Variants in SUPT3H observed in about 807,000 individuals in gnomAD.
The protein encoded by SUPT3H is transcription initiation protein SPT3 homolog.
Under a neutral mutation model 44.3 loss-of-function variants are expected in SUPT3H, and 44 were observed. The ratio of observed to expected loss-of-function variants is 0.99; its 90% CI spans 0.78 to 1.28. The LOEUF is 1.28. Among genes scored for constraint, SUPT3H ranks in the 50% most tolerant of loss-of-function variants. The pLI, the probability that SUPT3H is intolerant of heterozygous loss-of-function variation, is 0.00. For synonymous variants in SUPT3H, 124 were observed against 125.6 expected (o/e 0.99, Z 0.09); for missense variants, 380 against 387.1 (o/e 0.98, Z 0.15).
chr6:44,876,653 TTTAAAAAAAAAA>T (rs1293014246), intron 10 of SUPT3H, among the ~76,000 whole-genome samples: 8 of 147,802 alleles, frequency 5.4e-5, no homozygotes, highest in Admixed American at 1.3e-4. Flanking sequence ...TAAAGTATAA[TTTAAAAAAAAAA>T]TTAAAAAAAA....
intron 3 of SUPT3H, among the ~76,000 whole-genome samples, chr6:45,065,524 G>T (rs1163465563): frequency 1.3e-5 from 2 of 151,472 alleles, no homozygotes; most frequent in African/African-American, 2.4e-5. Flanking sequence ...TCCAGGAGCT[G>T]GTTTTTTGAA....
At chr6:45,351,488 T>G (rs1315837434) in intron 2 of SUPT3H, among the ~76,000 whole-genome samples, 1 of 152,082 alleles carries the variant, frequency 6.6e-6, no homozygotes, top group African/African-American at 2.4e-5. Context: ...GTATTATAAG[T>G]TACCACAGCA....
intron 10 of SUPT3H, among the ~76,000 whole-genome samples, chr6:44,878,003 G>A (rs1582153792): frequency 6.6e-6 from 1 of 152,110 alleles, no homozygotes; most frequent in South Asian, 2.1e-4. Flanking sequence ...ATGATATGCC[G>A]TTTCTTCATT....
At chr6:45,092,121 G>A (rs571522999) in intron 3 of SUPT3H, among the ~76,000 whole-genome samples, 9 of 151,416 alleles carry the variant, frequency 5.9e-5, no homozygotes, top group Admixed American at 2.6e-4. Context: ...GCTCTACACC[G>A]TCACAACTTC....
chr6:45,368,574 T>C (rs983303425), intron 1 of SUPT3H, among the ~76,000 whole-genome samples: 1 of 152,124 alleles, frequency 6.6e-6, no homozygotes, highest in African/African-American at 2.4e-5. Context: ...CCATGAAACA[T>C]CTTTAAGCTT....
chr6:45,272,533 T>C (rs1776356822), intron 2 of SUPT3H, among the ~76,000 whole-genome samples: 2 of 152,188 alleles, frequency 1.3e-5, no homozygotes, highest in African/African-American at 4.8e-5. Flanking sequence ...CAGTCTCGGA[T>C]ATATCTTTAT....
intron 5 of SUPT3H, among the ~76,000 whole-genome samples, chr6:45,012,495 A>AT (rs1783638436): frequency 6.6e-6 from 1 of 151,870 alleles, no homozygotes; most frequent in Admixed American, 6.6e-5. Flanking sequence ...CGTAATTTCT[A>AT]TTTTTTAAAA....
intron 10 of SUPT3H, among the ~76,000 whole-genome samples, chr6:44,840,479 A>C (rs1374137959): frequency 6.6e-6 from 1 of 152,234 alleles, no homozygotes; most frequent in Non-Finnish European, 1.5e-5. Context: ...AGAAAAAAGC[A>C]AAAGAAATAT....
chr6:45,250,955 C>G (rs910919140), intron 2 of SUPT3H: 5 of 151,940 alleles, frequency 3.3e-5, no homozygotes, highest in African/African-American at 7.3e-5. Flanking sequence ...CACATGAGTA[C>G]TACCACACCA....
At chr6:45,234,717 C>A (rs1385751099) in intron 2 of SUPT3H, among the ~76,000 whole-genome samples, 1 of 152,098 alleles carries the variant, frequency 6.6e-6, no homozygotes, top group Non-Finnish European at 1.5e-5. Context: ...AATTATTCCA[C>A]TTAAAAACTT....
rs993583809 is a variant in SUPT3H at position 45,150,729 on chromosome 6, T to G, written c.102-44723A>C. 1.3e-4 allele frequency among the ~76,000 whole-genome samples: 18 copies of G among 141,590 alleles called. No individual in the cohort carries two copies. The South Asian group carries it at 1.8e-3, about 14-fold the overall frequency. The allele number at this position is 141,590 out of a possible 152,430, so 92.9% of individuals were successfully genotyped here. A position where few individuals can be genotyped will look rare whatever the true frequency, so the allele number is the denominator to read the frequency against. On this transcript the variant is annotated intron_variant, in intron 2 of 10. Transcript: ENST00000371459. ...ATAATCTTTATTCTGCGTTTTTTTT[T>G]TTTTTTTTTTTAAGATGGAGTCTCA...
chr6:45,155,807 C>T (rs1229779230), intron 2 of SUPT3H, among the ~76,000 whole-genome samples: 4 of 152,066 alleles, frequency 2.6e-5, no homozygotes, highest in Non-Finnish European at 4.4e-5. Flanking sequence ...AAAACCCCCA[C>T]ATATTAGGGC....
rs148994872 is a variant in SUPT3H, at chr6:45,235,782, T to C, written c.101+129419A>G. 3.9e-5 allele frequency among the ~76,000 whole-genome samples: 6 copies of C among 152,208 alleles called. No homozygotes were observed. In the East Asian group the frequency reaches 7.7e-4, roughly 20 times the overall value. ...CATAAGCTGACCTCAAAACCGGCCA[T>C]AAACAAAATCTCTGCAGCACTGTGA... is the stretch of plus-strand genomic sequence containing the variant. On this transcript the variant is annotated intron_variant, in intron 2 of 10. Transcript: ENST00000371459.
chr6:45,246,514 C>G (rs764506680), intron 2 of SUPT3H, among the ~76,000 whole-genome samples: 1 of 152,102 alleles, frequency 6.6e-6, no homozygotes, highest in Non-Finnish European at 1.5e-5. Flanking sequence ...GGTTTGTTTT[C>G]TCCAAATTAT....
At chr6:44,867,374 C>G (rs1338932086) in intron 10 of SUPT3H, among the ~76,000 whole-genome samples, 1 of 152,058 alleles carries the variant, frequency 6.6e-6, no homozygotes, top group Non-Finnish European at 1.5e-5. Context: ...CTCCTGACCT[C>G]AAGTGATCCT....
rs547607049 is a variant in SUPT3H, at chr6:44,867,080, T to C, written c.913-37223A>G. Among the ~76,000 whole-genome samples the C allele has an allele frequency of 3.9e-5, 6 of 152,296 alleles. No individual in the cohort carries two copies. The South Asian group carries it at 1.0e-3, about 26-fold the overall frequency. ...AATGGATTAAAAACAGCCACTATGA[T>C]TACTGAAATTTGGGCCACGAATAAT... On this transcript the variant is annotated intron_variant, in intron 10 of 10. Coordinates refer to ENST00000371459, the MANE Select transcript of SUPT3H (RefSeq NM_003599.4).
intron 2 of SUPT3H, among the ~76,000 whole-genome samples, chr6:45,348,036 T>G (rs900489592): frequency 6.6e-6 from 1 of 152,080 alleles, no homozygotes; most frequent in African/African-American, 2.4e-5. Flanking sequence ...TACACATGTG[T>G]GGATATGTGG....
chr6:45,147,756 G>A (rs1806310418), intron 2 of SUPT3H, among the ~76,000 whole-genome samples: 1 of 151,910 alleles, frequency 6.6e-6, no homozygotes, highest in Non-Finnish European at 1.5e-5. Context: ...AATGAACTGG[G>A]GGAAGATAAA....
intron 2 of SUPT3H, among the ~76,000 whole-genome samples, chr6:45,222,123 T>TA (rs1054535856): frequency 1.7e-4 from 25 of 151,444 alleles, no homozygotes; most frequent in African/African-American, 5.8e-4. Context: ...ATATAAAAAC[T>TA]AAAAAATGTA....
Sources: allele counts gnomAD v4.1 joint callset (sites outside exome capture counted in the v4.1 genomes callset), GRCh38; gene constraint gnomAD v4.1.1; transcripts MANE v1.5; gene names NCBI Gene and HGNC (gene_info 2026-07-23, HGNC 2026-07-21).